The following PTPRD variants were observed in gnomAD, a reference collection of about 807,000 sequenced individuals.
The protein encoded by PTPRD is protein tyrosine phosphatase receptor type D.
Under a neutral mutation model 214.5 loss-of-function variants are expected in PTPRD, and 34 were observed. That is an observed-to-expected ratio of 0.16 (90% CI 0.12 to 0.21). The LOEUF (loss-of-function observed/expected upper bound fraction) is 0.21. PTPRD is among the 10% of genes least tolerant of loss of function. The pLI, the probability that PTPRD is intolerant of heterozygous loss-of-function variation, is 1.00. For synonymous variants in PTPRD, 1,128 were observed against 845.7 expected (o/e 1.33, Z -5.79); for missense variants, 2,545 against 2,398.7 (o/e 1.06, Z -1.27).
At chr9:9,567,547 T>G (rs1000255512) in intron 8 of PTPRD, among the ~76,000 whole-genome samples, 3 of 152,008 alleles carry the variant, frequency 2.0e-5, no homozygotes, top group African/African-American at 7.2e-5. Context: ...GACTTCATTC[T>G]AAAGTAAACT....
At chr9:10,531,407 G>A (rs1166216053) in intron 2 of PTPRD, among the ~76,000 whole-genome samples, 2 of 152,162 alleles carry the variant, frequency 1.3e-5, no homozygotes, top group Admixed American at 6.6e-5. Flanking sequence ...GGGGAAATGG[G>A]ATGACAGACA....
At chr9:9,654,083 G>A (rs563326807) in intron 7 of PTPRD, among the ~76,000 whole-genome samples, 1 of 152,204 alleles carries the variant, frequency 6.6e-6, no homozygotes, top group South Asian at 2.1e-4. Flanking sequence ...TGAAAATAAT[G>A]GGCTGGGTTC....
intron 11 of PTPRD, among the ~76,000 whole-genome samples, chr9:8,995,818 A>T (rs987253389): frequency 6.6e-6 from 1 of 152,012 alleles, no homozygotes; most frequent in Non-Finnish European, 1.5e-5. Context: ...ATGAAGTATA[A>T]AAGTCTATTT....
At chr9:9,460,375 A>T (rs1120438) in intron 8 of PTPRD, among the ~76,000 whole-genome samples, 103,133 of 151,896 alleles carry the variant, frequency 0.68, 35,042 homozygotes, top group Middle Eastern at 0.8. Context: ...CAAGAGAAAC[A>T]ATCAACAGAG....
At chr9:8,467,240 G>T (rs1174105587) in intron 31 of PTPRD, among the ~76,000 whole-genome samples, 1 of 151,724 alleles carries the variant, frequency 6.6e-6, no homozygotes, top group Admixed American at 6.6e-5. Flanking sequence ...TAGCAAAATT[G>T]GACCATCCCA....
rs188781779 is a variant in PTPRD, at chr9:8,755,994, T to C, written c.-103-22048A>G. Among the ~76,000 whole-genome samples the C allele has an allele frequency of 6.5e-3, 987 of 152,324 alleles. 6 individuals carry two copies. The highest frequency in any genetic ancestry group is 0.011 in the Admixed American group (163 of 15,294). Reference sequence around the variant, plus strand: ...AAATGGTCTGAATGATAAACATTAGTATGTGTGTAGAAGAGGAAAATATGA... The same window carrying C: ...AAATGGTCTGAATGATAAACATTAGCATGTGTGTAGAAGAGGAAAATATGA... On this transcript the variant is annotated intron_variant, in intron 11 of 45. Transcript: ENST00000381196.
chr9:9,229,563 T>G (rs2133788336), intron 9 of PTPRD, among the ~76,000 whole-genome samples: 1 of 152,242 alleles, frequency 6.6e-6, no homozygotes, highest in Middle Eastern at 3.4e-3. Flanking sequence ...GAGAGAAAAC[T>G]TATGGCTCCT....
chr9:9,560,113 G>C (rs1036425506), intron 8 of PTPRD, among the ~76,000 whole-genome samples: 1 of 152,126 alleles, frequency 6.6e-6, no homozygotes, highest in East Asian at 1.9e-4. Flanking sequence ...GGAATGCTAG[G>C]GCAGGACTGG....
chr9:9,872,344 A>T (rs895430280), intron 5 of PTPRD, among the ~76,000 whole-genome samples: 1 of 152,174 alleles, frequency 6.6e-6, no homozygotes, highest in African/African-American at 2.4e-5. Context: ...TCATGGCTGT[A>T]ATTCCAATAC....
At chr9:9,446,963 A>C (rs1022246087) in intron 8 of PTPRD, among the ~76,000 whole-genome samples, 1 of 152,178 alleles carries the variant, frequency 6.6e-6, no homozygotes, top group African/African-American at 2.4e-5. Flanking sequence ...AACCACAATG[A>C]GGTAACATCT....
At chr9:10,267,836 A>G (rs2094167479) in intron 3 of PTPRD, among the ~76,000 whole-genome samples, 1 of 152,196 alleles carries the variant, frequency 6.6e-6, no homozygotes, top group Non-Finnish European at 1.5e-5. Flanking sequence ...AAAATTTTGG[A>G]ATAGTTTCTA....
At chr9:8,760,080 G>C (rs1389168106) in intron 11 of PTPRD, among the ~76,000 whole-genome samples, 1 of 152,154 alleles carries the variant, frequency 6.6e-6, no homozygotes, top group Non-Finnish European at 1.5e-5. Context: ...ACAGGCGTGC[G>C]CCACAACGCC....
At chr9:8,424,156 T>C (rs2094521851) in intron 35 of PTPRD, among the ~76,000 whole-genome samples, 1 of 152,102 alleles carries the variant, frequency 6.6e-6, no homozygotes, top group African/African-American at 2.4e-5. Flanking sequence ...AAAAATAAAA[T>C]ATAATTATAA....
chr9:10,097,562 C>A (rs1284675657), intron 3 of PTPRD, among the ~76,000 whole-genome samples: 1 of 151,160 alleles, frequency 6.6e-6, no homozygotes, highest in Non-Finnish European at 1.5e-5. Context: ...TGTATAAGAA[C>A]GCTTGTGATT....
At chr9:8,754,720 G>C (rs1170409380) in intron 11 of PTPRD, among the ~76,000 whole-genome samples, 1 of 107,666 alleles carries the variant, frequency 9.3e-6, no homozygotes, top group South Asian at 3.8e-4. Context: ...AATAAAGATT[G>C]ATAAATTTCA....
intron 14 of PTPRD, among the ~76,000 whole-genome samples, chr9:8,620,083 C>A (rs1297209260): frequency 6.6e-6 from 1 of 151,964 alleles, no homozygotes; most frequent in African/African-American, 2.4e-5. Context: ...TCTATCAGAA[C>A]CTCAGATGGA....
In PTPRD at chr9:8,663,189, G is replaced by A. The variant is rs532059275; in HGVS notation, c.65-26345C>T. Among the ~76,000 whole-genome samples the A allele has an allele frequency of 6.6e-5, 10 of 150,970 alleles. No individual in the cohort carries two copies. The South Asian group carries it at 1.9e-3, about 28-fold the overall frequency. On this transcript the variant is annotated intron_variant, in intron 12 of 45. Coordinates refer to ENST00000381196, the MANE Select transcript of PTPRD (RefSeq NM_002839.4). ...TTTTAAATAATATACTTCTTATAAT[G>A]AGGAGAATATTTTTCAAACATGTTT...
intron 14 of PTPRD, among the ~76,000 whole-genome samples, chr9:8,561,546 G>A (rs796177589): frequency 6.6e-6 from 1 of 152,160 alleles, no homozygotes; most frequent in Non-Finnish European, 1.5e-5. Flanking sequence ...CGGTGTACAA[G>A]CGAGACTCAG....
chr9:9,436,366 A>G (rs572370127), intron 8 of PTPRD, among the ~76,000 whole-genome samples: 23 of 152,184 alleles, frequency 1.5e-4, no homozygotes, highest in African/African-American at 5.5e-4. Flanking sequence ...GGCCCTTCTT[A>G]GGCTCTGCTT....
Sources: allele counts gnomAD v4.1 joint callset (sites outside exome capture counted in the v4.1 genomes callset), GRCh38; gene constraint gnomAD v4.1.1; transcripts MANE v1.5; gene names NCBI Gene and HGNC (gene_info 2026-07-23, HGNC 2026-07-21).